RPS6KA2: variants seen among roughly 807,000 people sequenced by gnomAD.
RPS6KA2 encodes the protein ribosomal protein S6 kinase A2.
Under a neutral mutation model 91.8 loss-of-function variants are expected in RPS6KA2, and 42 were observed. That is an observed-to-expected ratio of 0.46 (90% CI 0.36 to 0.59). The LOEUF is 0.59. Among genes scored for constraint, RPS6KA2 ranks in the 20% least tolerant of loss-of-function variants. The pLI, the probability that RPS6KA2 is intolerant of heterozygous loss-of-function variation, is 0.00. For missense variants in RPS6KA2, 798 were observed against 978.5 expected, an observed-to-expected ratio of 0.82 and a Z score of 2.46; for synonymous variants, 414 against 393.6, an observed-to-expected ratio of 1.05 and a Z score of -0.61.
At chr6:166,775,155 C>T (rs967375980) in intron 2 of RPS6KA2, among the ~76,000 whole-genome samples, 8 of 152,116 alleles carry the variant, frequency 5.3e-5, no homozygotes, top group African/African-American at 1.4e-4. Flanking sequence ...AACGGTTTTA[C>T]CCAGACTTTG....
At chr6:166,521,563 G>T (rs1223064157) in intron 3 of RPS6KA2, among the ~76,000 whole-genome samples, 1 of 152,228 alleles carries the variant, frequency 6.6e-6, no homozygotes, top group Non-Finnish European at 1.5e-5. Context: ...CCCACCACGG[G>T]ATTTCTGAGG....
Position 166,418,389 on chromosome 6 carries a change from CT to C in RPS6KA2, c.1821-48del. On this transcript the variant is annotated intron_variant, in intron 18 of 20. Transcript: ENST00000265678. This position sits in a 1 kb window ranked among gnomAD's most constrained non-coding sequence, Gnocchi z 4.9. ...TGGTAATGAGCTTGTATTTTACAAC[CT>C]AAAATAAAGTTTGCAAGTTGATATC... 6.9e-7 allele frequency: 1 copy of C among 1,447,106 alleles called. No individual in the cohort carries two copies. The highest frequency in any genetic ancestry group is 9.7e-7 in the Non-Finnish European group (1 of 1,031,414). 89.6% of individuals were successfully genotyped at this position (1,447,106 alleles called of 1,614,324 possible).
rs546890624 is a variant in RPS6KA2 at position 166,635,886 on chromosome 6, C to A, written c.124-97102G>T. Reference sequence around the variant, plus strand: ...TAAGTCTGACCCTGCTCGTCTTCTGCGTCCACTCCAGGACAAGCCACCAAC... The same window carrying A: ...TAAGTCTGACCCTGCTCGTCTTCTGAGTCCACTCCAGGACAAGCCACCAAC... On this transcript the variant is annotated intron_variant, in intron 2 of 21. Coordinates refer to the RPS6KA2 transcript ENST00000503859. This position sits in a 1 kb window ranked among gnomAD's most constrained non-coding sequence, Gnocchi z 4.8. 1.3e-5 allele frequency among the ~76,000 whole-genome samples: 2 copies of A among 152,256 alleles called. No individual in the cohort carries two copies. Among genetic ancestry groups the A allele is most frequent in the South Asian group, 4.1e-4 (2 of 4,824 alleles).
intron 2 of RPS6KA2, among the ~76,000 whole-genome samples, chr6:166,651,042 C>T (rs1223773967): frequency 6.6e-6 from 1 of 152,206 alleles, no homozygotes; most frequent in East Asian, 1.9e-4. Context: ...TTGTGTTACC[C>T]AGACCCTGCC....
In RPS6KA2 at chr6:166,508,046, C is replaced by A. The variant is rs377022623; in HGVS notation, c.459+157G>T. 2.0e-5 allele frequency among the ~76,000 whole-genome samples: 3 copies of A among 150,796 alleles called. No homozygotes were observed. Among genetic ancestry groups the A allele is most frequent in the Non-Finnish European group, 4.4e-5 (3 of 67,574 alleles). On this transcript the variant is annotated intron_variant, in intron 5 of 20. Coordinates refer to ENST00000265678, the MANE Select transcript of RPS6KA2 (RefSeq NM_021135.6). This position sits in a 1 kb window ranked among gnomAD's most constrained non-coding sequence, Gnocchi z 4.3. ...CACACATGTACACCTCTCCCACACA[C>A]GCACTCTTGCACACACTCACACATG...
chr6:166,734,423 G>T (rs1442217239), intron 2 of RPS6KA2, among the ~76,000 whole-genome samples: 1 of 152,114 alleles, frequency 6.6e-6, no homozygotes, highest in East Asian at 1.9e-4. Flanking sequence ...TCCATATTCA[G>T]GTGCTAGGAA....
At chr6:166,751,334 G>A (rs1423822744) in intron 2 of RPS6KA2, among the ~76,000 whole-genome samples, 2 of 152,252 alleles carry the variant, frequency 1.3e-5, no homozygotes, top group Non-Finnish European at 1.5e-5. Flanking sequence ...TTCCAGGGAC[G>A]GCAGCTGCCA....
chr6:166,685,218 T>G, intron 2 of RPS6KA2, among the ~76,000 whole-genome samples: 1 of 146,132 alleles, frequency 6.8e-6, no homozygotes, highest in East Asian at 2.0e-4. Context: ...TGATGGAGTG[T>G]GGAGTGTGTA....
chr6:166,600,965 A>G (rs1785711185), intron 1 of RPS6KA2, among the ~76,000 whole-genome samples: 1 of 152,246 alleles, frequency 6.6e-6, no homozygotes, highest in Non-Finnish European at 1.5e-5. Context: ...TGCATATCCA[A>G]TATTTCTTAA....
At position 166,508,878 on chromosome 6, in the gene RPS6KA2, T is replaced by C. The variant is rs562886222; in HGVS notation, c.380-596A>G. Among the ~76,000 whole-genome samples, 140 of 152,276 alleles carry C rather than the reference T, an allele frequency of 9.2e-4. No homozygotes were observed. Among genetic ancestry groups the C allele is most frequent in the Non-Finnish European group, 1.5e-3 (105 of 68,026 alleles). On this transcript the variant is annotated intron_variant, in intron 4 of 20. Coordinates refer to ENST00000265678, the MANE Select transcript of RPS6KA2 (RefSeq NM_021135.6). This position sits in a 1 kb window ranked among gnomAD's most constrained non-coding sequence, Gnocchi z 4.3. ...TTTCTGTTTCAGGCCACAGGCAGGC[T>C]ACACAGCTCCTGCCCACACTCAGCA...
intron 1 of RPS6KA2, among the ~76,000 whole-genome samples, chr6:166,573,412 A>C (rs1259389752): frequency 1.3e-5 from 2 of 152,194 alleles, no homozygotes; most frequent in Non-Finnish European, 2.9e-5. Flanking sequence ...ATCTTTTTCT[A>C]CGTAAAGGAC....
At chr6:166,544,076 T>C (rs1783745476) in intron 1 of RPS6KA2, among the ~76,000 whole-genome samples, 1 of 152,262 alleles carries the variant, frequency 6.6e-6, no homozygotes. Context: ...TGGCTTTAAC[T>C]GTCTCCTTCC....
chr6:166,832,033 A>G (rs1780197941), intron 2 of RPS6KA2, among the ~76,000 whole-genome samples: 1 of 136,758 alleles, frequency 7.3e-6, no homozygotes, highest in African/African-American at 2.8e-5. Context: ...TATAGATGAT[A>G]CATGATAGAT....
chr6:166,655,993 C>T (rs979255172), intron 2 of RPS6KA2, among the ~76,000 whole-genome samples: 2 of 152,312 alleles, frequency 1.3e-5, no homozygotes, highest in Middle Eastern at 6.8e-3. Context: ...AGGCGCCCTG[C>T]GGTAGATACA....
intron 1 of RPS6KA2, among the ~76,000 whole-genome samples, chr6:166,593,536 C>T (rs1333802974): frequency 1.3e-5 from 2 of 152,076 alleles, no homozygotes. Flanking sequence ...ATCGATTTTT[C>T]TTATGCAGGT....
In RPS6KA2 at chr6:166,845,309, C is replaced by T. The variant is rs540189242; in HGVS notation, c.123+12891G>A. Among the ~76,000 whole-genome samples, 7 of 152,222 alleles carry T rather than the reference C, an allele frequency of 4.6e-5. No individual in the cohort carries two copies. In the South Asian group the frequency reaches 1.0e-3, roughly 23 times the overall value. On this transcript the variant is annotated intron_variant, in intron 2 of 21. Coordinates refer to the RPS6KA2 transcript ENST00000503859. ...GACAGCACTAGACAGGTCATCAAGA[C>T]GGAAAGTCAACAAAGAAATAATGGA... is the stretch of plus-strand genomic sequence containing the variant.
At chr6:166,702,758 G>A (rs1789562925) in intron 2 of RPS6KA2, 2 of 1,218,896 alleles carry the variant, frequency 1.6e-6, no homozygotes, top group East Asian at 2.3e-5. Flanking sequence ...CCCGACACGG[G>A]GATCTTGGCG....
chr6:166,514,123 T>C (rs1333588770), intron 3 of RPS6KA2, among the ~76,000 whole-genome samples: 1 of 152,166 alleles, frequency 6.6e-6, no homozygotes, highest in Non-Finnish European at 1.5e-5. Flanking sequence ...CCTAGCCCTT[T>C]TGCAAATCAG....
intron 2 of RPS6KA2, among the ~76,000 whole-genome samples, chr6:166,760,671 T>G (rs1269159706): frequency 6.6e-6 from 1 of 152,234 alleles, no homozygotes; most frequent in Non-Finnish European, 1.5e-5. Flanking sequence ...TGAAATAGCC[T>G]GCTCACTGGC....
Sources: gnomAD v4.1 joint callset for allele counts (sites outside exome capture counted in the v4.1 genomes callset) on GRCh38, gnomAD v4.1.1 for gene constraint, Gnocchi (gnomAD v3.1) non-coding constraint, MANE v1.5 for transcripts, NCBI Gene and HGNC (gene_info 2026-07-23, HGNC 2026-07-21) for gene names.